PRKN: variants seen among roughly 807,000 people sequenced by gnomAD.
PRKN encodes E3 ubiquitin-protein ligase parkin.
In PRKN, 56 loss-of-function variants were observed where a neutral mutation model predicts 59.5. That is an observed-to-expected ratio of 0.94 (90% CI 0.76 to 1.18). PRKN has a LOEUF of 1.18. Among genes scored for constraint, PRKN ranks in the 50% most tolerant of loss-of-function variants. PRKN has a pLI of 0.00. For synonymous variants in PRKN, 250 were observed against 222.1 expected, an observed-to-expected ratio of 1.13 and a Z score of -1.12; for missense variants, 657 against 596.4, an observed-to-expected ratio of 1.10 and a Z score of -1.06.
chr6:162,115,303 C>T (rs1450943309), intron 4 of PRKN, among the ~76,000 whole-genome samples: 12 of 142,716 alleles, frequency 8.4e-5, no homozygotes, highest in African/African-American at 3.1e-4. Context: ...AATGAGAACA[C>T]ATGGACACAG....
At chr6:162,633,412 G>A (rs976737815) in intron 1 of PRKN, among the ~76,000 whole-genome samples, 42 of 109,666 alleles carry the variant, frequency 3.8e-4, no homozygotes, top group African/African-American at 1.4e-3. Flanking sequence ...TCCAGCCTAG[G>A]TGACAGAGCA....
Position 161,551,333 on chromosome 6 carries a change from A to T in PRKN, c.934-2330T>A, listed in dbSNP as rs1780010294. 1.3e-5 allele frequency among the ~76,000 whole-genome samples: 2 copies of T among 152,156 alleles called. No homozygotes were observed. The highest frequency in any genetic ancestry group is 1.3e-4 in the Admixed American group (2 of 15,284). On this transcript the variant is annotated intron_variant, in intron 8 of 11. Transcript: ENST00000366898. This position sits in a 1 kb window ranked among gnomAD's most constrained non-coding sequence, Gnocchi z 5.2. ...CTCCAGGTCCTGCCTGAGTCTCAGG[A>T]TTACCTGCATCCTTGAAATTATTCG...
chr6:161,845,662 A>T (rs941609607), intron 6 of PRKN, among the ~76,000 whole-genome samples: 1 of 152,228 alleles, frequency 6.6e-6, no homozygotes, highest in Non-Finnish European at 1.5e-5. Flanking sequence ...CCGTAAAGAC[A>T]TTAAAGATAT....
At chr6:161,492,637 TG>T (rs1777602572) in intron 9 of PRKN, among the ~76,000 whole-genome samples, 1 of 152,220 alleles carries the variant, frequency 6.6e-6, no homozygotes, top group Non-Finnish European at 1.5e-5. Context: ...GTCAGTGTTT[TG>T]AAAATACGGT....
chr6:162,193,201 A>G (rs960344525), intron 4 of PRKN, among the ~76,000 whole-genome samples: 2 of 152,216 alleles, frequency 1.3e-5, no homozygotes, highest in Non-Finnish European at 1.5e-5. Flanking sequence ...CATCATCCCA[A>G]TGAATAACAT....
intron 7 of PRKN, among the ~76,000 whole-genome samples, chr6:161,778,736 C>T (rs908377378): frequency 3.3e-5 from 5 of 152,028 alleles, no homozygotes; most frequent in South Asian, 2.1e-4. Flanking sequence ...TCCACAGCAC[C>T]AGGAGTGCAC....
intron 7 of PRKN, among the ~76,000 whole-genome samples, chr6:161,675,821 T>C (rs1785065909): frequency 6.6e-6 from 1 of 152,234 alleles, no homozygotes; most frequent in African/African-American, 2.4e-5. Context: ...TTACAGTTCC[T>C]GCGGAAGGCT....
intron 1 of PRKN, among the ~76,000 whole-genome samples, chr6:162,476,151 G>T (rs569602040): frequency 6.7e-6 from 1 of 149,328 alleles, no homozygotes; most frequent in Non-Finnish European, 1.5e-5. Context: ...TCCGCCTCTC[G>T]GTTTCAAACG....
At chr6:161,941,784 GGGA>G (rs1169711253) in intron 6 of PRKN, among the ~76,000 whole-genome samples, 1 of 152,042 alleles carries the variant, frequency 6.6e-6, no homozygotes, top group African/African-American at 2.4e-5. Context: ...GACATGCCCT[GGGA>G]GGAGGACAAG....
rs550611673 is a variant in PRKN at position 161,447,817 on chromosome 6, T to C, written c.1084-60940A>G. 1.3e-5 allele frequency among the ~76,000 whole-genome samples: 2 copies of C among 152,254 alleles called. No homozygotes were observed. Among genetic ancestry groups the C allele is most frequent in the South Asian group, 4.2e-4 (2 of 4,818 alleles). ...CTCCTTTTTCTTTTAAACACATACATACATATATGTAAAAACAAAAGAAAA... is the reference window on the plus strand; with the variant it reads ...CTCCTTTTTCTTTTAAACACATACACACATATATGTAAAAACAAAAGAAAA... On this transcript the variant is annotated intron_variant, in intron 9 of 11. Coordinates refer to ENST00000366898, the MANE Select transcript of PRKN (RefSeq NM_004562.3). This position sits in a 1 kb window ranked among gnomAD's most constrained non-coding sequence, Gnocchi z 4.1.
intron 2 of PRKN, among the ~76,000 whole-genome samples, chr6:162,307,122 T>C (rs1782266235): frequency 6.6e-6 from 1 of 152,054 alleles, no homozygotes; most frequent in Admixed American, 6.6e-5. Context: ...GCTAGCGGGA[T>C]GGTGTGGTGG....
intron 2 of PRKN, among the ~76,000 whole-genome samples, chr6:162,311,884 G>A (rs1054203314): frequency 2.6e-5 from 4 of 151,662 alleles, no homozygotes; most frequent in African/African-American, 9.7e-5. Flanking sequence ...CTGTCTTTCT[G>A]TCTTGAATAA....
chr6:161,669,696 A>G (rs1242606045), intron 7 of PRKN, among the ~76,000 whole-genome samples: 2 of 152,236 alleles, frequency 1.3e-5, no homozygotes, highest in Non-Finnish European at 2.9e-5. Flanking sequence ...AAAGTGAAGG[A>G]CTGATCATGC....
intron 4 of PRKN, among the ~76,000 whole-genome samples, chr6:162,145,502 T>C (rs1781984406): frequency 6.6e-6 from 1 of 152,192 alleles, no homozygotes; most frequent in Admixed American, 6.5e-5. Flanking sequence ...GCCTGCAAGT[T>C]GTCCAGGTTC....
At chr6:162,547,944 T>G (rs963081965) in intron 1 of PRKN, among the ~76,000 whole-genome samples, 1 of 152,036 alleles carries the variant, frequency 6.6e-6, no homozygotes, top group African/African-American at 2.4e-5. Context: ...TCCACTGGTC[T>G]CCCACTATTC....
intron 6 of PRKN, among the ~76,000 whole-genome samples, chr6:161,859,807 C>T (rs1793817655): frequency 6.6e-6 from 1 of 151,830 alleles, no homozygotes. Context: ...ATGGTTTTAT[C>T]CCAGAGAGAA....
chr6:162,183,197 G>T (rs900349411), intron 4 of PRKN, among the ~76,000 whole-genome samples: 8 of 152,130 alleles, frequency 5.3e-5, no homozygotes, highest in Non-Finnish European at 1.2e-4. Context: ...AGAACCACAT[G>T]CATTGGAAGG....
At chr6:162,522,706 T>C (rs375032163) in intron 1 of PRKN, among the ~76,000 whole-genome samples, 1 of 152,066 alleles carries the variant, frequency 6.6e-6, no homozygotes, top group African/African-American at 2.4e-5. Flanking sequence ...TCCCATGCTC[T>C]AAAGTCTTTC....
intron 9 of PRKN, among the ~76,000 whole-genome samples, chr6:161,434,460 A>AGCCAGAGCC (rs776006514): frequency 8.3e-4 from 126 of 152,260 alleles, no homozygotes; most frequent in Non-Finnish European, 1.6e-3. Context: ...GTCTTCATGA[A>AGCCAGAGCC]GCCAGAGCCG....
Sources: allele counts gnomAD v4.1 joint callset (sites outside exome capture counted in the v4.1 genomes callset), GRCh38; gene constraint gnomAD v4.1.1; non-coding constraint Gnocchi (gnomAD v3.1); transcripts MANE v1.5; gene names NCBI Gene and HGNC (gene_info 2026-07-23, HGNC 2026-07-21).